PXK: variants seen among roughly 807,000 people sequenced by gnomAD.
PXK encodes the protein PX domain-containing protein kinase-like protein.
PXK carries 35 observed loss-of-function variants against 84.7 expected under a neutral mutation model. That is an observed-to-expected ratio of 0.41 (90% CI 0.32 to 0.55). PXK has a LOEUF of 0.55. PXK is among the 20% of genes least tolerant of loss of function. PXK has a pLI of 0.21. For synonymous variants in PXK, 253 were observed against 260.8 expected (o/e 0.97, Z 0.29); for missense variants, 634 against 699.7 (o/e 0.91, Z 1.06).
chr3:58,420,066 A>C (rs1445037863), intron 17 of PXK, among the ~76,000 whole-genome samples: 1 of 152,036 alleles, frequency 6.6e-6, no homozygotes, highest in East Asian at 1.9e-4. Context: ...TCTATTGTAG[A>C]CTCTAGAAGA....
rs955463779 is a variant in PXK at position 58,416,804 on chromosome 3, A to G, written c.1528+3841A>G. On this transcript the variant is annotated intron_variant, in intron 17 of 17. Transcript: ENST00000356151. This position sits in a 1 kb window ranked among gnomAD's most constrained non-coding sequence, Gnocchi z 4.8. ...CTTGGCTAATATTTTTGTATTTTTG[A>G]TAGAGATGGGGTTTCACTACGTTGG... Among the ~76,000 whole-genome samples the G allele has an allele frequency of 6.6e-6, 1 of 151,896 alleles. No individual in the cohort carries two copies. The highest frequency in any genetic ancestry group is 1.5e-5 in the Non-Finnish European group (1 of 67,958).
At chr3:58,339,144 T>C (rs2097679530) in intron 1 of PXK, among the ~76,000 whole-genome samples, 1 of 152,146 alleles carries the variant, frequency 6.6e-6, no homozygotes, top group Admixed American at 6.6e-5. Flanking sequence ...GGTAATTAGT[T>C]CATTTAGAGA....
At chr3:58,410,220 G>A (rs887355818) in intron 16 of PXK, 61 bp downstream of exon 16, 6 of 1,330,994 alleles carry the variant, frequency 4.5e-6, no homozygotes, top group African/African-American at 4.3e-5. Context: ...GGAGTCTCTA[G>A]TTGGTCAAGA....
In PXK at chr3:58,411,690, C is replaced by A. The variant is rs927404352; in HGVS notation, c.1466-1211C>A. Among the ~76,000 whole-genome samples, 2 of 152,130 alleles carry A rather than the reference C, an allele frequency of 1.3e-5. No individual in the cohort carries two copies. Among genetic ancestry groups the A allele is most frequent in the Admixed American group, 1.3e-4 (2 of 15,272 alleles). On this transcript the variant is annotated intron_variant, in intron 16 of 17. Coordinates refer to ENST00000356151, the MANE Select transcript of PXK (RefSeq NM_017771.5). The surrounding 1 kb of genome is among the most constrained non-coding windows in gnomAD (Gnocchi z 4.2). ...AGGACTCAAGGACTTCAGGATACCC[C>A]AGTGCCCTCAGGAGTTTAGGAAAAT...
chr3:58,345,635 T>A (rs560155089), intron 1 of PXK, among the ~76,000 whole-genome samples: 3 of 152,320 alleles, frequency 2.0e-5, no homozygotes, highest in Non-Finnish European at 4.4e-5. Context: ...GCAAAGTCAA[T>A]TAAAATACTG....
At chr3:58,353,059 C>T (rs985399727) in intron 1 of PXK, among the ~76,000 whole-genome samples, 6 of 151,508 alleles carry the variant, frequency 4.0e-5, no homozygotes, top group Admixed American at 6.6e-5. Context: ...TGCAGTGGTG[C>T]GATCTCGGCT....
chr3:58,423,340 G>A (rs2062234248), intron 17 of PXK: 9 of 1,473,180 alleles, frequency 6.1e-6, no homozygotes, highest in Non-Finnish European at 8.2e-6. Flanking sequence ...TTGTTATTGT[G>A]TAGAACCAAT....
intron 4 of PXK, among the ~76,000 whole-genome samples, chr3:58,386,290 CTTTTT>C (rs752411806): frequency 1.2e-4 from 10 of 82,266 alleles, no homozygotes; most frequent in African/African-American, 3.9e-4. Context: ...ATCCCCCTTA[CTTTTT>C]TTTTTTTTTT....
Position 58,333,261 on chromosome 3 carries a change from T to A in PXK, c.102+171T>A. ...GCCGCTGGGTCTGGGTCAGGGCCCC[T>A]GGGGCCCAGGCGAACGCTGAGGCCC... On this transcript the variant is annotated intron_variant, in intron 1 of 17. Coordinates refer to ENST00000356151, the MANE Select transcript of PXK (RefSeq NM_017771.5). The surrounding 1 kb of genome is among the most constrained non-coding windows in gnomAD (Gnocchi z 5.4). 7.0e-6 allele frequency: 2 copies of A among 285,626 alleles called. No homozygotes were observed. The highest frequency in any genetic ancestry group is 1.1e-5 in the Non-Finnish European group (2 of 175,272). The allele number at this position is 285,626 out of a possible 1,614,324, so 17.7% of individuals were successfully genotyped here.
chr3:58,356,612 CT>C (rs68019308), intron 1 of PXK, among the ~76,000 whole-genome samples: 33,959 of 148,084 alleles, frequency 0.23, 4,960 homozygotes, highest in African/African-American at 0.41. Context: ...TTTTTTTTTT[CT>C]TTTTTTTTGA....
In PXK at chr3:58,407,090, C is replaced by T. The variant is rs4420888; in HGVS notation, c.1231-1834C>T. 0.24 allele frequency among the ~76,000 whole-genome samples: 36,357 copies of T among 152,058 alleles called. 6,060 individuals are homozygous for T. The highest frequency in any genetic ancestry group is 0.8 in the East Asian group (4,161 of 5,178). ...TGGATGTATACCCAGAAGTGGAATTCCTCATATGGTAGTTCCATTTTGTAG... is the reference window on the plus strand; with the variant it reads ...TGGATGTATACCCAGAAGTGGAATTTCTCATATGGTAGTTCCATTTTGTAG... On this transcript the variant is annotated intron_variant, in intron 13 of 17. Transcript: ENST00000356151. This position sits in a 1 kb window ranked among gnomAD's most constrained non-coding sequence, Gnocchi z 4.3.
In PXK at chr3:58,333,920, G is replaced by A. The variant is rs190184446; in HGVS notation, c.102+830G>A. On this transcript the variant is annotated intron_variant, in intron 1 of 17. Transcript: ENST00000356151. The surrounding 1 kb of genome is among the most constrained non-coding windows in gnomAD (Gnocchi z 5.4). ...GCCCACTATGCATTATAATTTCCAA[G>A]CAATAAATCTAGGAACCAGCAAGAA... Among the ~76,000 whole-genome samples the A allele has an allele frequency of 4.6e-5, 7 of 150,896 alleles. No individual in the cohort carries two copies. In the East Asian group the frequency reaches 1.4e-3, roughly 29 times the overall value.
chr3:58,338,948 G>C (rs1394222884), intron 1 of PXK, among the ~76,000 whole-genome samples: 1 of 151,894 alleles, frequency 6.6e-6, no homozygotes, highest in East Asian at 2.0e-4. Flanking sequence ...CTCCCAAAGT[G>C]TTGGGATTAC....
chr3:58,359,420 A>G (rs1411804675), intron 1 of PXK, among the ~76,000 whole-genome samples: 2 of 151,086 alleles, frequency 1.3e-5, no homozygotes, highest in Non-Finnish European at 2.9e-5. Context: ...AATCCCAGCT[A>G]CTCGGGAGGC....
chr3:58,423,177 AATGCTCATCACAC>A, intron 17 of PXK: 4 of 985,012 alleles, frequency 4.1e-6, no homozygotes, highest in Non-Finnish European at 4.8e-6. Context: ...TCTTCAGAGG[AATGCTCATCACAC>A]ATGCTTATTC....
intron 1 of PXK, among the ~76,000 whole-genome samples, chr3:58,360,831 GAAA>G (rs762223630): frequency 2.7e-5 from 3 of 109,714 alleles, no homozygotes; most frequent in African/African-American, 3.4e-5. Flanking sequence ...GACCCCGACT[GAAA>G]AAAAAAAAAA....
In PXK at chr3:58,424,932, G is replaced by C; in HGVS notation, c.1709G>C (p.Cys570Ser). The part of the protein sequence containing the change: ...QKGTLRKAKT[C>S]DHSAPKIG ...GGAACTTTGAGGAAAGCCAAAACCTGTGATCACAGTGCTCCGAAGATCGGC... is the reference window on the plus strand; with the variant it reads ...GGAACTTTGAGGAAAGCCAAAACCTCTGATCACAGTGCTCCGAAGATCGGC... Residue 570 changes from cysteine to serine, a missense_variant, in exon 18 of 18, where the codon TGT (cysteine) becomes TCT (serine). By Grantham distance (112) the Cys-to-Ser change is moderately radical (BLOSUM62 -1). This residue lies in a region of PXK where 273 missense variants were observed against 283.6 expected (regional missense o/e 0.96). Transcript: ENST00000356151. 6.2e-7 allele frequency: 1 copy of C among 1,614,128 alleles called. No homozygotes were observed. Among genetic ancestry groups the C allele is most frequent in the Non-Finnish European group, 8.5e-7 (1 of 1,180,036 alleles).
Position 58,424,794 on chromosome 3 carries a change from C to G in PXK, c.1571C>G (p.Pro524Arg). The part of the protein sequence containing the change: ...LPPPPPPPPP[P>R]AAPLPPASTE... ...CCACCTCCTCCACCTCCACCACCAC[C>G]AGCAGCTCCCTTGCCTCCTGCGAGC... The change falls in exon 18 of 18, where the codon CCA becomes CGA. Residue 524 changes from proline to arginine, a missense_variant. This residue lies in a region of PXK where 273 missense variants were observed against 283.6 expected (regional missense o/e 0.96). Coordinates refer to ENST00000356151, the MANE Select transcript of PXK (RefSeq NM_017771.5). 1 of 1,614,172 alleles carries G rather than the reference C, an allele frequency of 6.2e-7. No homozygotes were observed. Among genetic ancestry groups the G allele is most frequent in the Non-Finnish European group, 8.5e-7 (1 of 1,180,026 alleles).
Position 58,382,611 on chromosome 3 carries a change from T to A in PXK, c.299T>A (p.Leu100His), listed in dbSNP as rs770785672. 1 of 1,607,756 alleles carries A rather than the reference T, an allele frequency of 6.2e-7. No individual in the cohort carries two copies. Among genetic ancestry groups the A allele is most frequent in the South Asian group, 1.1e-5 (1 of 89,468 alleles). Residue 100 changes from leucine to histidine, a missense_variant, in exon 4 of 18, where the codon CTC (leucine) becomes CAC (histidine). By Grantham distance (99) the Leu-to-His change is moderately conservative. Coordinates refer to ENST00000356151, the MANE Select transcript of PXK (RefSeq NM_017771.5). ...AGGCAGAAAGGTCTTCAGAACTATCTCAACGTGATCACAACAAATCATATC... is the reference window on the plus strand; with the variant it reads ...AGGCAGAAAGGTCTTCAGAACTATCACAACGTGATCACAACAAATCATATC... ...AERQKGLQNY[L>H]NVITTNHILS...
Sources: allele counts gnomAD v4.1 joint callset (sites outside exome capture counted in the v4.1 genomes callset), GRCh38; gene constraint gnomAD v4.1.1; regional missense constraint gnomAD v4.1.1; non-coding constraint Gnocchi (gnomAD v3.1); transcripts MANE v1.5; gene names NCBI Gene and HGNC (gene_info 2026-07-23, HGNC 2026-07-21).